The following APLF variants were observed in gnomAD, a reference collection of about 807,000 sequenced individuals.
APLF encodes aprataxin and PNK-like factor.
APLF carries 61 observed loss-of-function variants against 55.6 expected under a neutral mutation model. That is an observed-to-expected ratio of 1.10 (90% confidence interval 0.89 to 1.36). The LOEUF (loss-of-function observed/expected upper bound fraction) is 1.36, where lower values mean the gene tolerates loss of function less well. APLF is among the 40% of genes most tolerant of loss of function. The pLI, the probability that APLF is intolerant of heterozygous loss-of-function variation, is 0.00. For missense variants in APLF, 611 were observed against 602.5 expected (o/e 1.01, Z -0.15); for synonymous variants, 207 against 214.8 (o/e 0.96, Z 0.32).
chr2:68,562,988 A>G, intron 8 of APLF: 4 of 805,886 alleles, frequency 5.0e-6, no homozygotes, highest in Non-Finnish European at 6.0e-6. Flanking sequence ...ATCAAAGAGA[A>G]TAAATACCCC....
intron 1 of APLF, among the ~76,000 whole-genome samples, chr2:68,472,850 T>C (rs1675662472): frequency 6.6e-6 from 1 of 152,224 alleles, no homozygotes; most frequent in Non-Finnish European, 1.5e-5. Flanking sequence ...TATTAGTTTT[T>C]AAAATAGACT....
intron 8 of APLF, among the ~76,000 whole-genome samples, chr2:68,556,066 G>A (rs1219853409): frequency 6.6e-6 from 1 of 152,190 alleles, no homozygotes; most frequent in Non-Finnish European, 1.5e-5. Flanking sequence ...GATGAGATTG[G>A]AGACTATTAT....
At chr2:68,486,981 T>C (rs895801389) in intron 1 of APLF, among the ~76,000 whole-genome samples, 1 of 152,162 alleles carries the variant, frequency 6.6e-6, no homozygotes, top group Admixed American at 6.5e-5. Flanking sequence ...AGTCCCTGGG[T>C]TTCTTTGCTT....
chr2:68,518,061 A>T lies in APLF; in HGVS notation c.622+4381A>T, dbSNP rs913084620. Among the ~76,000 whole-genome samples the T allele has an allele frequency of 2.2e-5, 3 of 135,864 alleles. No individual in the cohort carries two copies. The East Asian group carries it at 6.5e-4, about 30-fold the overall frequency. 89.1% of individuals were successfully genotyped at this position (135,864 alleles called of 152,430 possible). On this transcript the variant is annotated intron_variant, in intron 5 of 9. Coordinates refer to ENST00000303795, the MANE Select transcript of APLF (RefSeq NM_173545.3). Reference sequence around the variant, plus strand: ...TATAACAGTAATATATCATTAATATATAATATATCATTAGTATATAATATT... The same window carrying T: ...TATAACAGTAATATATCATTAATATTTAATATATCATTAGTATATAATATT...
chr2:68,504,234 G>A lies in APLF; in HGVS notation c.341+1331G>A, dbSNP rs183339718. Among the ~76,000 whole-genome samples the A allele has an allele frequency of 5.6e-3, 848 of 151,714 alleles. 6 individuals carry two copies. Among genetic ancestry groups the A allele is most frequent in the Admixed American group, 0.021 (326 of 15,214 alleles). On this transcript the variant is annotated intron_variant, in intron 3 of 9. Coordinates refer to ENST00000303795, the MANE Select transcript of APLF (RefSeq NM_173545.3). ...CTAATGAATTCTATTAAACTTACAA[G>A]GAAGAAATAATGCCAATATTATTCT...
intron 5 of APLF, among the ~76,000 whole-genome samples, chr2:68,523,062 T>C (rs1242789887): frequency 6.6e-6 from 1 of 151,924 alleles, no homozygotes. Flanking sequence ...AATAATAGCC[T>C]GCCAAACAAT....
intron 1 of APLF, among the ~76,000 whole-genome samples, chr2:68,476,476 CAAAAAAAAA>C (rs768968249): frequency 1.3e-5 from 1 of 76,504 alleles, no homozygotes; most frequent in Non-Finnish European, 2.8e-5. Flanking sequence ...GAGTGAGACT[CAAAAAAAAA>C]AAAAAAAAAA....
chr2:68,549,977 TG>T, intron 8 of APLF, among the ~76,000 whole-genome samples: 1 of 152,300 alleles, frequency 6.6e-6, no homozygotes, highest in African/African-American at 2.4e-5. Context: ...AGAGTGTAAT[TG>T]TAACCTGTCG....
At chr2:68,497,320 A>G (rs1233099249) in intron 2 of APLF, among the ~76,000 whole-genome samples, 1 of 152,134 alleles carries the variant, frequency 6.6e-6, no homozygotes, top group Non-Finnish European at 1.5e-5. Flanking sequence ...TGTAATCTCC[A>G]GTGTTGGAGG....
intron 7 of APLF, among the ~76,000 whole-genome samples, chr2:68,539,352 G>T (rs1339436774): frequency 6.6e-6 from 1 of 152,162 alleles, no homozygotes; most frequent in Non-Finnish European, 1.5e-5. Flanking sequence ...CCTAGATCAT[G>T]GTGTCAGCAA....
chr2:68,545,104 A>G lies in APLF; in HGVS notation c.1161-83A>G. 7 of 1,499,996 alleles carry G rather than the reference A, an allele frequency of 4.7e-6. No homozygotes were observed. In the East Asian group the frequency reaches 1.6e-4, roughly 34 times the overall value. The allele number at this position is 1,499,996 out of a possible 1,614,324, so 92.9% of individuals were successfully genotyped here. On this transcript the variant is annotated intron_variant, in intron 7 of 9. Transcript: ENST00000303795. ...TATGTTCAAGGATAGCCAGATGTGG[A>G]TTGTCTGGTTTCCTGCTATATCCAC...
chr2:68,561,528 A>G (rs1041026400), intron 8 of APLF, among the ~76,000 whole-genome samples: 1 of 152,132 alleles, frequency 6.6e-6, no homozygotes, highest in African/African-American at 2.4e-5. Flanking sequence ...AGTGTCTTAC[A>G]ATGCGGAGCA....
At chr2:68,567,231 A>G (rs1025185065) in intron 8 of APLF, 110 bp from the exon 9 acceptor site, 7 of 881,124 alleles carry the variant, frequency 7.9e-6, no homozygotes, top group South Asian at 4.7e-5. Flanking sequence ...TAAGAGGCCT[A>G]TTGGGTCCTA....
chr2:68,499,733 G>A (rs1281923570), intron 2 of APLF, among the ~76,000 whole-genome samples: 1 of 152,032 alleles, frequency 6.6e-6, no homozygotes, highest in Admixed American at 6.5e-5. Context: ...CAGCTACTCA[G>A]GGGGCTGTGG....
chr2:68,579,967 A>AC lies in APLF; in HGVS notation c.*1946dup. The AC allele has an allele frequency of 1.2e-6, 1 of 857,868 alleles. No individual in the cohort carries two copies. Among genetic ancestry groups the AC allele is most frequent in the Non-Finnish European group, 1.4e-6 (1 of 713,844 alleles). The allele number at this position is 857,868 out of a possible 1,614,324, so 53.1% of individuals were successfully genotyped here. On this transcript the variant is annotated 3_prime_UTR_variant, in exon 10 of 10. Transcript: ENST00000303795. ...AACTATATATTTCAATAAATCTGTCACAAAAAAGTAATGCAAAGGGTAATA... is the reference window on the plus strand; with the variant it reads ...AACTATATATTTCAATAAATCTGTCACCAAAAAAGTAATGCAAAGGGTAATA...
At chr2:68,560,100 A>G (rs1241236898) in intron 8 of APLF, among the ~76,000 whole-genome samples, 2 of 152,120 alleles carry the variant, frequency 1.3e-5, no homozygotes, top group East Asian at 1.9e-4. Context: ...ATACCTCCTC[A>G]GAAATGCCGT....
chr2:68,516,993 AAT>A (rs1239444079), intron 5 of APLF, among the ~76,000 whole-genome samples: 4 of 125,168 alleles, frequency 3.2e-5, no homozygotes, highest in African/African-American at 9.3e-5. Flanking sequence ...TATATATAAT[AAT>A]ATATGTTAAT....
At chr2:68,555,668 G>C (rs964523001) in intron 8 of APLF, among the ~76,000 whole-genome samples, 2 of 152,106 alleles carry the variant, frequency 1.3e-5, no homozygotes, top group Non-Finnish European at 2.9e-5. Context: ...CCCTGCGCCT[G>C]CAAGAATGGC....
intron 3 of APLF, among the ~76,000 whole-genome samples, chr2:68,508,850 A>G (rs1676956039): frequency 1.3e-5 from 2 of 152,174 alleles, no homozygotes; most frequent in South Asian, 2.1e-4. Flanking sequence ...CCAAAACAGC[A>G]TGGTACTGGT....
Sources: gnomAD v4.1 joint callset for allele counts (sites outside exome capture counted in the v4.1 genomes callset) on GRCh38, gnomAD v4.1.1 for gene constraint, MANE v1.5 for transcripts, NCBI Gene and HGNC (gene_info 2026-07-23, HGNC 2026-07-21) for gene names.